Variants in CLEC17A observed in about 807,000 individuals in gnomAD.
CLEC17A encodes the protein C-type lectin domain containing 17A.
CLEC17A carries 37 observed loss-of-function variants against 61.3 expected under a neutral mutation model. That is an observed-to-expected ratio of 0.60 (90% confidence interval 0.46 to 0.79). The LOEUF (loss-of-function observed/expected upper bound fraction) is 0.79. Among genes scored for constraint, CLEC17A ranks in the 30% least tolerant of loss-of-function variants. The pLI, the probability that CLEC17A is intolerant of heterozygous loss-of-function variation, is 0.00. For synonymous variants in CLEC17A, 168 were observed against 164.9 expected, an observed-to-expected ratio of 1.02 and a Z score of -0.14; for missense variants, 418 against 464.7, an observed-to-expected ratio of 0.90 and a Z score of 0.92.
At chr19:14,597,649 G>T (rs1327658237) in intron 10 of CLEC17A, among the ~76,000 whole-genome samples, 2 of 152,168 alleles carry the variant, frequency 1.3e-5, no homozygotes, top group East Asian at 3.9e-4. Flanking sequence ...GAAGTGGGAG[G>T]ATCTCCTGAA....
chr19:14,594,847 G>T lies in CLEC17A; in HGVS notation c.403+47G>T, dbSNP rs750218728. ...TAAGATGCCTAAGAGGGGATACCTG[G>T]ATGTTTCCTTTCAATCCCCCAATTT... On this transcript the variant is annotated intron_variant, in intron 7 of 13. Transcript: ENST00000417570. The T allele has an allele frequency of 1.2e-5, 19 of 1,546,058 alleles. No individual in the cohort carries two copies. The South Asian group carries it at 2.1e-4, about 17-fold the overall frequency.
chr19:14,603,188 G>A (rs957001353), intron 12 of CLEC17A, among the ~76,000 whole-genome samples: 11 of 152,120 alleles, frequency 7.2e-5, no homozygotes, highest in Non-Finnish European at 1.5e-4. Flanking sequence ...CTAGAATGGT[G>A]TACATTTACT....
Position 14,611,066 on chromosome 19 carries a change from C to T in CLEC17A, c.*870C>T, listed in dbSNP as rs1231446981. The T allele has an allele frequency of 6.6e-6, 1 of 151,228 alleles. No homozygotes were observed. 9.4% of individuals were successfully genotyped at this position (151,228 alleles called of 1,614,324 possible). On this transcript the variant is annotated 3_prime_UTR_variant, in exon 14 of 14. Coordinates refer to ENST00000417570, the MANE Select transcript of CLEC17A (RefSeq NM_001204118.2). ...CAGAAAAATTTCCCTTTGAGCTAGA[C>T]CTCTAGATCTGCCTCGCACAGAAAT...
intron 2 of CLEC17A, among the ~76,000 whole-genome samples, chr19:14,583,780 T>C (rs1278371292): frequency 6.6e-6 from 1 of 152,052 alleles, no homozygotes. Context: ...GTGCAAAGTC[T>C]CTGAGTTACA....
chr19:14,593,577 G>T (rs1250061926), intron 4 of CLEC17A, among the ~76,000 whole-genome samples: 1 of 151,988 alleles, frequency 6.6e-6, no homozygotes, highest in Non-Finnish European at 1.5e-5. Flanking sequence ...TGGTAGGATT[G>T]CTAGAACCCG....
chr19:14,583,074 G>C (rs2074201996), upstream of CLEC17A: 3 of 1,457,260 alleles, frequency 2.1e-6, no homozygotes, highest in East Asian at 4.5e-5. Flanking sequence ...AGGGAACTGA[G>C]AGAGCCCCCA....
chr19:14,592,098 A>G (rs2074434669), intron 3 of CLEC17A, among the ~76,000 whole-genome samples, 183 bp from the exon 4 acceptor site: 1 of 152,192 alleles, frequency 6.6e-6, no homozygotes, highest in Non-Finnish European at 1.5e-5. Flanking sequence ...CACAACATGT[A>G]TACTATCGCT....
At chr19:14,594,837 G>C (rs544779902) in intron 7 of CLEC17A, 37 bp downstream of exon 7, 19 of 1,581,574 alleles carry the variant, frequency 1.2e-5, no homozygotes, top group Non-Finnish European at 1.6e-5. Context: ...TGCCTAAGAG[G>C]GGATACCTGG....
At chr19:14,602,448 A>G (rs182317061) in intron 12 of CLEC17A, among the ~76,000 whole-genome samples, 121 of 152,178 alleles carry the variant, frequency 8.0e-4, no homozygotes, top group African/African-American at 2.8e-3. Flanking sequence ...GTGTGCCACC[A>G]TGCCTGGATA....
At chr19:14,595,683 C>T (rs955980346) in intron 8 of CLEC17A, among the ~76,000 whole-genome samples, 10 of 128,616 alleles carry the variant, frequency 7.8e-5, no homozygotes, top group South Asian at 5.7e-4. Context: ...GTAGTGATGG[C>T]GTTGTTGTGT....
At chr19:14,597,283 G>A in intron 10 of CLEC17A, 122 bp downstream of exon 10, 3 of 847,076 alleles carry the variant, frequency 3.5e-6, no homozygotes, top group African/African-American at 1.7e-5. Flanking sequence ...GTACCAGGGG[G>A]TTAAAATGGT....
At chr19:14,599,454 A>G (rs1281968391) in intron 10 of CLEC17A, among the ~76,000 whole-genome samples, 1 of 151,776 alleles carries the variant, frequency 6.6e-6, no homozygotes, top group African/African-American at 2.4e-5. Context: ...TTATCGAATC[A>G]CTTTCTTCCT....
intron 13 of CLEC17A, among the ~76,000 whole-genome samples, chr19:14,609,020 G>A (rs1385826518): frequency 6.6e-6 from 1 of 151,982 alleles, no homozygotes; most frequent in Non-Finnish European, 1.5e-5. Flanking sequence ...GGCTGGTCTC[G>A]AAATCCTGAC....
intron 3 of CLEC17A, among the ~76,000 whole-genome samples, chr19:14,590,193 A>G (rs1427972521): frequency 1.3e-5 from 2 of 149,490 alleles, no homozygotes; most frequent in Non-Finnish European, 3.0e-5. Context: ...GTACTTCACC[A>G]TGGAATGTGG....
chr19:14,583,265 C>A, intron 1 of CLEC17A, 62 bp downstream of exon 1: 2 of 1,613,350 alleles, frequency 1.2e-6, no homozygotes, highest in South Asian at 2.2e-5. Context: ...GGTACAGAAT[C>A]CCCACCATGG....
At chr19:14,594,911 A>AC in intron 7 of CLEC17A, 111 bp downstream of exon 7, 1 of 1,118,590 alleles carries the variant, frequency 8.9e-7, no homozygotes, top group Non-Finnish European at 1.3e-6. Flanking sequence ...TCTCACTGTC[A>AC]TCCAGGCTGG....
Position 14,583,471 on chromosome 19 carries a change from C to T in CLEC17A, c.121+37C>T, listed in dbSNP as rs775395518. On this transcript the variant is annotated intron_variant, in intron 2 of 13. Transcript: ENST00000417570. ...TTTTGGAGTGTGACCTGGGGGAATA[C>T]AGGGAATGGGGTCTCCAGTGGGCAT... 3 of 1,611,678 alleles carry T rather than the reference C, an allele frequency of 1.9e-6. No homozygotes were observed. The Admixed American group carries it at 5.0e-5, about 27-fold the overall frequency.
intron 12 of CLEC17A, among the ~76,000 whole-genome samples, chr19:14,604,296 TTC>T (rs1424546164): frequency 3.9e-5 from 6 of 152,158 alleles, no homozygotes; most frequent in Admixed American, 3.9e-4. Flanking sequence ...AGATACCAGA[TTC>T]TTCTCTCTGG....
intron 10 of CLEC17A, among the ~76,000 whole-genome samples, chr19:14,598,222 A>G (rs960335789): frequency 4.6e-5 from 7 of 152,180 alleles, no homozygotes; most frequent in Admixed American, 1.3e-4. Context: ...TTGGGTGGCC[A>G]AGGTGGGAGG....
Sources: allele counts gnomAD v4.1 joint callset (sites outside exome capture counted in the v4.1 genomes callset), GRCh38; gene constraint gnomAD v4.1.1; transcripts MANE v1.5; gene names NCBI Gene and HGNC (gene_info 2026-07-23, HGNC 2026-07-21).